The following ALK variants were observed in gnomAD, a reference collection of about 807,000 sequenced individuals.
ALK encodes the protein ALK receptor tyrosine kinase, also known as ALK tyrosine kinase receptor.
Under a neutral mutation model 163.1 loss-of-function variants are expected in ALK, and 74 were observed. The ratio of observed to expected loss-of-function variants is 0.45; its 90% CI spans 0.38 to 0.55. ALK has a LOEUF of 0.55. ALK is among the 20% of genes least tolerant of loss of function. ALK has a pLI of 0.00. For missense variants in ALK, 2,063 were observed against 2,105.3 expected (o/e 0.98, Z 0.39); for synonymous variants, 960 against 843.2 (o/e 1.14, Z -2.40).
At chr2:29,624,705 T>A (rs1017737116) in intron 3 of ALK, among the ~76,000 whole-genome samples, 1 of 152,198 alleles carries the variant, frequency 6.6e-6, no homozygotes, top group Non-Finnish European at 1.5e-5. Context: ...CATTTACCTA[T>A]GTAATAAACC....
intron 4 of ALK, among the ~76,000 whole-genome samples, chr2:29,448,883 T>G (rs1047265792): frequency 6.6e-6 from 1 of 152,212 alleles, no homozygotes; most frequent in African/African-American, 2.4e-5. Context: ...GTTTCTGGTT[T>G]AAACCCTGTC....
intron 24 of ALK, among the ~76,000 whole-genome samples, chr2:29,210,425 A>ATATT (rs1669432471): frequency 6.6e-6 from 1 of 152,102 alleles, no homozygotes; most frequent in African/African-American, 2.4e-5. Context: ...ATATTCACAA[A>ATATT]TATTTCTAGT....
chr2:29,681,515 G>C (rs1428746978), intron 3 of ALK, among the ~76,000 whole-genome samples: 1 of 152,134 alleles, frequency 6.6e-6, no homozygotes, highest in African/African-American at 2.4e-5. Context: ...TAAAAATCTG[G>C]AGGAGGAATG....
chr2:29,916,622 T>C (rs1399237616), intron 1 of ALK, among the ~76,000 whole-genome samples: 1 of 152,230 alleles, frequency 6.6e-6, no homozygotes, highest in Non-Finnish European at 1.5e-5. Flanking sequence ...TTGCATTGCA[T>C]ACATCTCTAA....
intron 5 of ALK, among the ~76,000 whole-genome samples, chr2:29,370,508 A>G (rs1341731853): frequency 1.3e-5 from 2 of 152,222 alleles, no homozygotes; most frequent in East Asian, 1.9e-4. Flanking sequence ...TCCAGAGCCA[A>G]TGTTTCCATT....
rs1269979858 is a variant in ALK at position 29,668,847 on chromosome 2, G to A, written c.952+26003C>T. 5.9e-5 allele frequency among the ~76,000 whole-genome samples: 9 copies of A among 152,192 alleles called. No homozygotes were observed. The East Asian group carries it at 1.5e-3, about 26-fold the overall frequency. ...CCTCACAATCATGGTGGAAGGCAAA[G>A]GAAGAGCAAAGGCACATCTTACTTG... On this transcript the variant is annotated intron_variant, in intron 3 of 28. Transcript: ENST00000389048.
Position 29,725,135 on chromosome 2 carries a change from C to T in ALK, c.668-7438G>A, listed in dbSNP as rs190609142. 4.1e-5 allele frequency among the ~76,000 whole-genome samples: 5 copies of T among 120,842 alleles called. No homozygotes were observed. In the East Asian group the frequency reaches 7.6e-4, roughly 18 times the overall value. The allele number at this position is 120,842 out of a possible 152,430, so 79.3% of individuals were successfully genotyped here. A position where few individuals can be genotyped will look rare whatever the true frequency, so the allele number is the denominator to read the frequency against. On this transcript the variant is annotated intron_variant, in intron 1 of 28. Transcript: ENST00000389048. ...GTGCCTACCCTTAGGGATTTGGTTA[C>T]CTTCAGGCTATCCTATACCAAAAAA... is the stretch of plus-strand genomic sequence containing the variant.
At chr2:29,436,311 A>G (rs1670395845) in intron 4 of ALK, among the ~76,000 whole-genome samples, 1 of 152,206 alleles carries the variant, frequency 6.6e-6, no homozygotes, top group South Asian at 2.1e-4. Flanking sequence ...CTCCTGTCTG[A>G]GAAAGGCACG....
intron 5 of ALK, among the ~76,000 whole-genome samples, chr2:29,375,063 T>A (rs904389172): frequency 3.3e-5 from 5 of 152,144 alleles, no homozygotes; most frequent in Non-Finnish European, 7.3e-5. Flanking sequence ...ATAATTAACA[T>A]CACAAAGCTC....
chr2:29,857,053 C>T (rs1037367286), intron 1 of ALK, among the ~76,000 whole-genome samples: 7 of 152,104 alleles, frequency 4.6e-5, no homozygotes, highest in African/African-American at 1.4e-4. Flanking sequence ...AGGAAACATC[C>T]GGAGGAGGCG....
intron 4 of ALK, among the ~76,000 whole-genome samples, chr2:29,422,918 T>A (rs985378339): frequency 2.0e-5 from 3 of 151,958 alleles, no homozygotes; most frequent in Non-Finnish European, 2.9e-5. Context: ...GATATGTTTT[T>A]TTTTTTTTTT....
At chr2:29,296,677 T>A (rs1410589915) in intron 9 of ALK, among the ~76,000 whole-genome samples, 1 of 152,158 alleles carries the variant, frequency 6.6e-6, no homozygotes, top group African/African-American at 2.4e-5. Flanking sequence ...AGCCTCTTCA[T>A]CCCTTGGAGA....
At chr2:29,843,003 T>G (rs1198696036) in intron 1 of ALK, among the ~76,000 whole-genome samples, 1 of 152,196 alleles carries the variant, frequency 6.6e-6, no homozygotes, top group Non-Finnish European at 1.5e-5. Context: ...CTTCTCATCC[T>G]TGTGAGGTGA....
chr2:29,320,197 G>T (rs1005430561), intron 7 of ALK, among the ~76,000 whole-genome samples: 1 of 152,222 alleles, frequency 6.6e-6, no homozygotes, highest in Non-Finnish European at 1.5e-5. Flanking sequence ...TGCCAGACAC[G>T]CAGGGTTTGT....
chr2:29,547,915 T>C (rs1487317115), intron 3 of ALK, among the ~76,000 whole-genome samples: 4 of 152,202 alleles, frequency 2.6e-5, no homozygotes, highest in Non-Finnish European at 5.9e-5. Flanking sequence ...ACGAACAATT[T>C]TATTAGTGAA....
chr2:29,284,498 T>G (rs1322260491), intron 9 of ALK, among the ~76,000 whole-genome samples: 1 of 152,208 alleles, frequency 6.6e-6, no homozygotes, highest in African/African-American at 2.4e-5. Flanking sequence ...TAAGCCAAGC[T>G]GTGGATGTTA....
intron 3 of ALK, among the ~76,000 whole-genome samples, chr2:29,613,706 T>A (rs1573499424): frequency 6.6e-6 from 1 of 152,254 alleles, no homozygotes; most frequent in African/African-American, 2.4e-5. Flanking sequence ...GTTCAGTGTT[T>A]CTTCACAATA....
intron 4 of ALK, among the ~76,000 whole-genome samples, chr2:29,474,443 G>A (rs568339310): frequency 2.0e-5 from 3 of 152,254 alleles, no homozygotes; most frequent in South Asian, 2.1e-4. Flanking sequence ...ATCCACTGAC[G>A]TGTGGTTTTA....
rs370382514 is a variant in ALK, at chr2:29,211,224, A to C, written c.3744-1346T>G. On this transcript the variant is annotated intron_variant, in intron 24 of 28. Transcript: ENST00000389048. ...GCTGCTGACCTGATCCAGAAGGTTT[A>C]AGTTGAATTTTGAGGTGGTGTATAA... is the stretch of plus-strand genomic sequence containing the variant. Among the ~76,000 whole-genome samples the C allele has an allele frequency of 7.9e-5, 12 of 152,378 alleles. No individual in the cohort carries two copies. The South Asian group carries it at 2.5e-3, about 32-fold the overall frequency.
Sources: gnomAD v4.1 joint callset for allele counts (sites outside exome capture counted in the v4.1 genomes callset) on GRCh38, gnomAD v4.1.1 for gene constraint, MANE v1.5 for transcripts, NCBI Gene and HGNC (gene_info 2026-07-23, HGNC 2026-07-21) for gene names.